CCDC106: variants seen among roughly 807,000 people sequenced by gnomAD.
CCDC106 encodes coiled-coil domain-containing protein 106.
Under a neutral mutation model 24.7 loss-of-function variants are expected in CCDC106, and 17 were observed. The ratio of observed to expected loss-of-function variants is 0.69; its 90% CI spans 0.47 to 1.03. The LOEUF (loss-of-function observed/expected upper bound fraction) is 1.03. Ranked by LOEUF, CCDC106 falls within the 50% of genes least tolerant of loss-of-function variation. The pLI, the probability that CCDC106 is intolerant of heterozygous loss-of-function variation, is 0.00. For synonymous variants in CCDC106, 211 were observed against 161.3 expected (o/e 1.31, Z -2.34); for missense variants, 337 against 388.9 (o/e 0.87, Z 1.12).
rs1399821321 is a variant in CCDC106 at position 55,648,227 on chromosome 19, C to A, written c.-820C>A. ...GACACTTTGCAGACGCTCCCCGGCG[C>A]CGGGCATGGGCGCCGCCGCCGTCGG... On this transcript the variant is annotated 5_prime_UTR_variant, in exon 1 of 5. Transcript: ENST00000586790. 14 of 152,146 alleles carry A rather than the reference C, an allele frequency of 9.2e-5. No homozygotes were observed. Among genetic ancestry groups the A allele is most frequent in the African/African-American group, 3.1e-4 (13 of 41,454 alleles). 9.4% of individuals were successfully genotyped at this position (152,146 alleles called of 1,614,324 possible). A position where few individuals can be genotyped will look rare whatever the true frequency, so the allele number is the denominator to read the frequency against.
chr19:55,648,961 C>A lies in CCDC106; in HGVS notation c.-86C>A. On this transcript the variant is annotated 5_prime_UTR_variant, in exon 1 of 5. Coordinates refer to ENST00000586790, the MANE Select transcript of CCDC106 (RefSeq NM_001370470.1). ...CCTCCCCCAGGATGGACCCTCCAGTCCATCTGCGTCTCTCCATTTGTGGCT... is the reference window on the plus strand; with the variant it reads ...CCTCCCCCAGGATGGACCCTCCAGTACATCTGCGTCTCTCCATTTGTGGCT... 1.5e-6 allele frequency: 2 copies of A among 1,326,122 alleles called. No homozygotes were observed. The highest frequency in any genetic ancestry group is 2.2e-6 in the Non-Finnish European group (2 of 920,814). 82.1% of individuals were successfully genotyped at this position (1,326,122 alleles called of 1,614,324 possible). A position where few individuals can be genotyped will look rare whatever the true frequency, so the allele number is the denominator to read the frequency against.
At chr19:55,647,710 ACT>A (rs774011952), upstream of CCDC106, among the ~76,000 whole-genome samples, 31 of 151,580 alleles carry the variant, frequency 2.0e-4, no homozygotes, top group Non-Finnish European at 4.3e-4. Flanking sequence ...GAGAGGGGTA[ACT>A]CCCCCGATTT....
In CCDC106 at chr19:55,652,913, C is replaced by T; in HGVS notation, c.*167C>T. On this transcript the variant is annotated 3_prime_UTR_variant, in exon 5 of 5. Transcript: ENST00000586790. The surrounding 1 kb of genome is among the most constrained non-coding windows in gnomAD (Gnocchi z 5.9). ...GACGGCCCCGGACCGGCCGCGGCCC[C>T]TTCCCGAACGCCGGCACCCCCTTCC... 4 of 617,588 alleles carry T rather than the reference C, an allele frequency of 6.5e-6. No individual in the cohort carries two copies. The South Asian group carries it at 8.0e-5, about 12-fold the overall frequency. 38.3% of individuals were successfully genotyped at this position (617,588 alleles called of 1,614,324 possible).
chr19:55,649,868 C>T (rs936179628), intron 3 of CCDC106, among the ~76,000 whole-genome samples: 7 of 152,172 alleles, frequency 4.6e-5, no homozygotes, highest in Non-Finnish European at 8.8e-5. Flanking sequence ...TTCCTTGGCC[C>T]ATGGTGACTT....
chr19:55,652,305 C>T lies in CCDC106; in HGVS notation c.527-125C>T. On this transcript the variant is annotated intron_variant, in intron 4 of 4. Transcript: ENST00000586790. This position sits in a 1 kb window ranked among gnomAD's most constrained non-coding sequence, Gnocchi z 5.9. ...CCTTGCCTGTTGTTCTCCGTCTCCA[C>T]CTGCACCGGCCCGTGCCTCTGCTCG... is the stretch of plus-strand genomic sequence containing the variant. 1 of 769,124 alleles carries T rather than the reference C, an allele frequency of 1.3e-6. No homozygotes were observed. Among genetic ancestry groups the T allele is most frequent in the Non-Finnish European group, 2.1e-6 (1 of 473,714 alleles). The allele number at this position is 769,124 out of a possible 1,614,324, so 47.6% of individuals were successfully genotyped here.
intron 4 of CCDC106, among the ~76,000 whole-genome samples, chr19:55,651,810 C>T (rs889419459): frequency 2.6e-5 from 4 of 152,060 alleles, no homozygotes; most frequent in South Asian, 4.1e-4. Context: ...TACAGGCACC[C>T]GCCACCACGC....
chr19:55,649,045 C>G lies in CCDC106; in HGVS notation c.-2C>G. ...CTGCTGGGGTCCGTAGGAAGCCGCG[C>G]CATGAATGACCGGAGCAGTCGGAGG... On this transcript the variant is annotated 5_prime_UTR_variant, in exon 1 of 5. Transcript: ENST00000586790. 6.2e-7 allele frequency: 1 copy of G among 1,613,308 alleles called. No homozygotes were observed. The highest frequency in any genetic ancestry group is 8.5e-7 in the Non-Finnish European group (1 of 1,179,976).
chr19:55,653,009 CCT>C lies in CCDC106; in HGVS notation c.*265_*266del, dbSNP rs1491295339. 4.1e-6 allele frequency: 2 copies of C among 492,326 alleles called. No individual in the cohort carries two copies. Among genetic ancestry groups the C allele is most frequent in the African/African-American group, 4.1e-5 (2 of 49,334 alleles). 30.5% of individuals were successfully genotyped at this position (492,326 alleles called of 1,614,324 possible). A position where few individuals can be genotyped will look rare whatever the true frequency, so the allele number is the denominator to read the frequency against. The stretch of plus-strand genomic sequence containing the variant: ...AAAACCAGGCAGGCGGGTGCCCCCC[CCT>C]CGAGTGGGGGACTGTACAGACCCCG... On this transcript the variant is annotated 3_prime_UTR_variant, in exon 5 of 5. Transcript: ENST00000586790.
Position 55,648,943 on chromosome 19 carries a change from C to A in CCDC106, c.-104C>A, listed in dbSNP as rs964581235. On this transcript the variant is annotated 5_prime_UTR_variant, in exon 1 of 5. Transcript: ENST00000586790. ...CCCTCCTGTCTCACTTCACCTCCCC[C>A]AGGATGGACCCTCCAGTCCATCTGC... The A allele has an allele frequency of 4.3e-5, 50 of 1,151,896 alleles. 1 individual carries two copies. The highest frequency in any genetic ancestry group is 3.7e-5 in the South Asian group (3 of 81,292). The allele number at this position is 1,151,896 out of a possible 1,614,324, so 71.4% of individuals were successfully genotyped here.
upstream of CCDC106, among the ~76,000 whole-genome samples, chr19:55,647,697 C>T (rs1982952887): frequency 6.6e-6 from 1 of 152,144 alleles, no homozygotes; most frequent in South Asian, 2.1e-4. Context: ...CCTCATTTTC[C>T]GGGAGAGGGG....
At chr19:55,651,202 G>A (rs1983235831) in intron 3 of CCDC106, 81 bp from the exon 4 acceptor site, 2 of 1,100,562 alleles carry the variant, frequency 1.8e-6, no homozygotes, top group Non-Finnish European at 2.8e-6. Flanking sequence ...TCCAGTTCGG[G>A]GACTGCAGCC....
chr19:55,647,577 GTGAGT>G (rs1982948373), upstream of CCDC106, among the ~76,000 whole-genome samples: 3 of 152,230 alleles, frequency 2.0e-5, no homozygotes, highest in African/African-American at 7.2e-5. Context: ...CATTTTGCAG[GTGAGT>G]TAACAGGCTG....
chr19:55,649,629 C>G, intron 3 of CCDC106, 45 bp downstream of exon 3: 2 of 1,565,550 alleles, frequency 1.3e-6, no homozygotes, highest in Non-Finnish European at 1.7e-6. Context: ...TGTCCCGCTA[C>G]TGGGTACCCG....
At position 55,649,254 on chromosome 19, in the gene CCDC106, C is replaced by A. The variant is rs1242948599; in HGVS notation, c.81C>A (p.Pro27=). 6.2e-7 allele frequency: 1 copy of A among 1,614,126 alleles called. No individual in the cohort carries two copies. Among genetic ancestry groups the A allele is most frequent in the Non-Finnish European group, 8.5e-7 (1 of 1,180,004 alleles). The change falls in exon 2 of 5, where the codon CCC becomes CCA. Residue 27 remains proline (P), a synonymous_variant. Coordinates refer to ENST00000586790, the MANE Select transcript of CCDC106 (RefSeq NM_001370470.1). ...TCTCCATTCCCTTCGATGAGGCACC[C>A]CACCTAGACCCACAGATCTTTTACA... The part of the protein sequence containing the change: ...FEISIPFDEA[P]HLDPQIFYSL...
chr19:55,651,294 C>T lies in CCDC106; in HGVS notation c.325C>T (p.Arg109Trp), dbSNP rs745541102. 28 of 1,612,816 alleles carry T rather than the reference C, an allele frequency of 1.7e-5. No individual in the cohort carries two copies. The highest frequency in any genetic ancestry group is 1.6e-4 in the Middle Eastern group (1 of 6,074). The part of the protein sequence containing the change: ...SARMEAEDHC[R>W]MKPGPRRMEG... Reference sequence around the variant, plus strand: ...CTCCATCTCCCCAGAGGACCACTGCCGGATGAAGCCTGGGCCCAGGCGGAT... The same window carrying T: ...CTCCATCTCCCCAGAGGACCACTGCTGGATGAAGCCTGGGCCCAGGCGGAT... The change falls in exon 4 of 5, where the codon CGG becomes TGG. Residue 109 changes from arginine to tryptophan, a missense_variant. By Grantham distance (101) the Arg-to-Trp change is moderately radical (BLOSUM62 -3). Around this residue, in one of 2 missense-constraint regions of CCDC106, gnomAD observed 234 missense variants for 236.5 expected, o/e 0.99. Coordinates refer to ENST00000586790, the MANE Select transcript of CCDC106 (RefSeq NM_001370470.1).
Position 55,653,049 on chromosome 19 carries a change from C to A in CCDC106, c.*303C>A. ...TGTACAGACCCCGTCTCCGCCCTGG[C>A]CCCGCGGAGGAGCTGCCCACCTGAT... is the stretch of plus-strand genomic sequence containing the variant. On this transcript the variant is annotated 3_prime_UTR_variant, in exon 5 of 5. Transcript: ENST00000586790. The A allele has an allele frequency of 3.0e-6, 1 of 336,192 alleles. No individual in the cohort carries two copies. Among genetic ancestry groups the A allele is most frequent in the South Asian group, 5.2e-5 (1 of 19,130 alleles). The allele number at this position is 336,192 out of a possible 1,614,324, so 20.8% of individuals were successfully genotyped here. A position where few individuals can be genotyped will look rare whatever the true frequency, so the allele number is the denominator to read the frequency against.
rs1260299824 is a variant in CCDC106, at chr19:55,648,850, C to T, written c.-197C>T. ...GGAGCCCAGGAGTTTGAAGCCCAGG[C>T]GCGTTTTGCCTCAGTCCTGGGGTCC... On this transcript the variant is annotated 5_prime_UTR_variant, in exon 1 of 5. Coordinates refer to ENST00000586790, the MANE Select transcript of CCDC106 (RefSeq NM_001370470.1). The T allele has an allele frequency of 9.3e-6, 6 of 643,674 alleles. No individual in the cohort carries two copies. The highest frequency in any genetic ancestry group is 1.4e-5 in the Non-Finnish European group (5 of 363,296). 39.9% of individuals were successfully genotyped at this position (643,674 alleles called of 1,614,324 possible).
At chr19:55,650,310 G>A (rs1333077140) in intron 3 of CCDC106, among the ~76,000 whole-genome samples, 3 of 152,134 alleles carry the variant, frequency 2.0e-5, no homozygotes, top group Non-Finnish European at 4.4e-5. Flanking sequence ...GCCCCAGCCA[G>A]TTCACAGCTA....
At chr19:55,651,606 A>G in intron 4 of CCDC106, 111 bp downstream of exon 4, 1 of 739,440 alleles carries the variant, frequency 1.4e-6, no homozygotes, top group Non-Finnish European at 2.2e-6. Flanking sequence ...TGCTGGAGAA[A>G]GACCCACCGG....
Sources: allele counts gnomAD v4.1 joint callset (sites outside exome capture counted in the v4.1 genomes callset), GRCh38; gene constraint gnomAD v4.1.1; regional missense constraint gnomAD v4.1.1; non-coding constraint Gnocchi (gnomAD v3.1); transcripts MANE v1.5; gene names NCBI Gene and HGNC (gene_info 2026-07-23, HGNC 2026-07-21).